ABCD3: variants seen among roughly 807,000 people sequenced by gnomAD.
ABCD3 encodes the protein ATP-binding cassette sub-family D member 3.
ABCD3 carries 41 observed loss-of-function variants against 105.5 expected under a neutral mutation model. The observed-to-expected ratio is 0.39, with a 90% CI of 0.30 to 0.50. The LOEUF (loss-of-function observed/expected upper bound fraction) is 0.50, where lower values mean the gene tolerates loss of function less well. Among genes scored for constraint, ABCD3 ranks in the 20% least tolerant of loss-of-function variants. The pLI is 0.84. For synonymous variants in ABCD3, 258 were observed against 269.0 expected (o/e 0.96, Z 0.40); for missense variants, 622 against 806.3 (o/e 0.77, Z 2.77).
rs4148070 is a variant in ABCD3, at chr1:94,474,724, GT to G, written c.406-407del. Among the ~76,000 whole-genome samples the G allele has an allele frequency of 4.4e-3, 641 of 146,412 alleles. 1 individual carries two copies. The highest frequency in any genetic ancestry group is 0.01 in the African/African-American group (411 of 39,924). On this transcript the variant is annotated intron_variant, in intron 5 of 22. Transcript: ENST00000370214. ...CATTAGTTGGTGTAAAACCTGTAGTGTTTTTTTTTTTTAACAAATGCAAATA... is the reference window on the plus strand; with the variant it reads ...CATTAGTTGGTGTAAAACCTGTAGTGTTTTTTTTTTTAACAAATGCAAATA...
the ABCD3 span, among the ~76,000 whole-genome samples, chr1:94,393,134 G>GAAGA: frequency 9.8e-4 from 139 of 141,986 alleles, no homozygotes; most frequent in African/African-American, 3.2e-3. Flanking sequence ...ATAAAAAGAA[G>GAAGA]AAGAAAGAAA....
intron 7 of ABCD3, 86 bp from the exon 8 acceptor site, chr1:94,478,173 A>G (rs1648853387): frequency 1.2e-6 from 1 of 823,200 alleles, no homozygotes; most frequent in Non-Finnish European, 2.0e-6. Flanking sequence ...TAAATGTTTA[A>G]TGACATTTTA....
At position 94,498,932 on chromosome 1, in the gene ABCD3, C is replaced by A. The variant is rs375816342; in HGVS notation, c.1531-13C>A. The A allele has an allele frequency of 1.2e-6, 2 of 1,612,708 alleles. No individual in the cohort carries two copies. The highest frequency in any genetic ancestry group is 1.1e-5 in the South Asian group (1 of 91,032). ...ATGTTGCTTCTAATTGACTTTTGCTCTACTACTGTCAGAGACCTTACATGA... is the reference window on the plus strand; with the variant it reads ...ATGTTGCTTCTAATTGACTTTTGCTATACTACTGTCAGAGACCTTACATGA... On this transcript the variant is annotated splice_polypyrimidine_tract_variant and intron_variant, in intron 18 of 22. Transcript: ENST00000370214.
chr1:94,468,770 T>C (rs1648288566), intron 4 of ABCD3, among the ~76,000 whole-genome samples: 1 of 152,208 alleles, frequency 6.6e-6, no homozygotes, highest in Admixed American at 6.5e-5. Flanking sequence ...CATTTTGGAA[T>C]AAAGGTTTTT....
At chr1:94,400,361 G>A in the ABCD3 span, among the ~76,000 whole-genome samples, 181 of 150,870 alleles carry the variant, frequency 1.2e-3, no homozygotes, top group African/African-American at 4.2e-3. Context: ...CCGAGATCGC[G>A]CCACTGCACT....
chr1:94,406,562 G>A, the ABCD3 span: 1 of 344,552 alleles, frequency 2.9e-6, no homozygotes, highest in South Asian at 2.6e-5. Context: ...TGCGTTTCAG[G>A]AAGCTATCTC....
chr1:94,474,923 T>C (rs1648661171), intron 5 of ABCD3, among the ~76,000 whole-genome samples: 1 of 152,120 alleles, frequency 6.6e-6, no homozygotes, highest in African/African-American at 2.4e-5. Flanking sequence ...TAATTAGTGA[T>C]ATTAACATAT....
chr1:94,444,675 T>G (rs555622564), intron 1 of ABCD3, among the ~76,000 whole-genome samples: 2 of 152,218 alleles, frequency 1.3e-5, no homozygotes, highest in Admixed American at 1.3e-4. Flanking sequence ...CCCATGACTT[T>G]TCACCACCCC....
chr1:94,418,469 C>G lies in ABCD3; in HGVS notation c.-10C>G. 2 of 1,592,700 alleles carry G rather than the reference C, an allele frequency of 1.3e-6. No homozygotes were observed. Among genetic ancestry groups the G allele is most frequent in the Non-Finnish European group, 1.7e-6 (2 of 1,174,662 alleles). On this transcript the variant is annotated 5_prime_UTR_variant, in exon 1 of 23. Transcript: ENST00000370214. ...CGTCCCCTCGCCGGCTCGCTGGTAC[C>G]GGCAGTGCCATGGCGGCCTTCAGCA...
At chr1:94,401,271 C>G in the ABCD3 span, among the ~76,000 whole-genome samples, 2 of 152,224 alleles carry the variant, frequency 1.3e-5, no homozygotes, top group African/African-American at 4.8e-5. Flanking sequence ...CCTGGTCGAA[C>G]CTGCTAGCAT....
At chr1:94,459,850 G>A (rs1353448251) in intron 2 of ABCD3, among the ~76,000 whole-genome samples, 1 of 152,148 alleles carries the variant, frequency 6.6e-6, no homozygotes, top group Non-Finnish European at 1.5e-5. Context: ...TCAAATAAAT[G>A]AAATCATATA....
rs1024517583 is a variant in ABCD3, at chr1:94,492,697, G to T, written c.1386+1450G>T. The stretch of plus-strand genomic sequence containing the variant: ...GATAAAAAGGACGTGAGACTTCGTT[G>T]AAGAATGCCTCTTGTCCCTTTCTCC... On this transcript the variant is annotated intron_variant, in intron 16 of 22. Transcript: ENST00000370214. Among the ~76,000 whole-genome samples the T allele has an allele frequency of 3.9e-5, 6 of 151,912 alleles. No homozygotes were observed. The South Asian group carries it at 1.3e-3, about 32-fold the overall frequency.
intron 10 of ABCD3, among the ~76,000 whole-genome samples, chr1:94,484,030 C>T (rs187388472): frequency 2.6e-5 from 4 of 152,262 alleles, no homozygotes; most frequent in East Asian, 1.9e-4. Context: ...CCAACAGACA[C>T]GTGAAAAAAT....
In ABCD3 at chr1:94,473,848, C is replaced by T; in HGVS notation, c.405+13C>T. 1 of 1,604,846 alleles carries T rather than the reference C, an allele frequency of 6.2e-7. No individual in the cohort carries two copies. The highest frequency in any genetic ancestry group is 8.5e-7 in the Non-Finnish European group (1 of 1,172,624). Reference sequence around the variant, plus strand: ...TGCCATGCCTCTTGTAAGTTTAATTCATTAAAAATCTTTTTAACACGGGAA... The same window carrying T: ...TGCCATGCCTCTTGTAAGTTTAATTTATTAAAAATCTTTTTAACACGGGAA... On this transcript the variant is annotated intron_variant, in intron 5 of 22. Coordinates refer to ENST00000370214, the MANE Select transcript of ABCD3 (RefSeq NM_002858.4).
chr1:94,441,965 T>C (rs1056155257), intron 1 of ABCD3, among the ~76,000 whole-genome samples: 1 of 152,210 alleles, frequency 6.6e-6, no homozygotes, highest in Non-Finnish European at 1.5e-5. Flanking sequence ...ATTCTATCCA[T>C]GTTAATTTCA....
intron 21 of ABCD3, among the ~76,000 whole-genome samples, chr1:94,509,973 T>C (rs1650579449): frequency 6.6e-6 from 1 of 152,188 alleles, no homozygotes. Flanking sequence ...GAAGGGCTTT[T>C]TATGTCTCTA....
intron 1 of ABCD3, among the ~76,000 whole-genome samples, chr1:94,454,605 A>G (rs899093029): frequency 2.0e-5 from 3 of 152,192 alleles, no homozygotes; most frequent in African/African-American, 4.8e-5. Flanking sequence ...ACCTAGAGAT[A>G]GTAGGTCTAA....
chr1:94,415,903 C>A (rs569337923), upstream of ABCD3, among the ~76,000 whole-genome samples: 1 of 152,076 alleles, frequency 6.6e-6, no homozygotes, highest in Non-Finnish European at 1.5e-5. Context: ...GTATCTTTTG[C>A]TGTAGCAAAT....
intron 3 of ABCD3, among the ~76,000 whole-genome samples, chr1:94,465,375 C>G (rs1648088309): frequency 6.6e-6 from 1 of 152,112 alleles, no homozygotes; most frequent in African/African-American, 2.4e-5. Context: ...CAAATGTTTT[C>G]TCTGTAGGTC....
Sources: gnomAD v4.1 joint callset for allele counts (sites outside exome capture counted in the v4.1 genomes callset) on GRCh38, gnomAD v4.1.1 for gene constraint, MANE v1.5 for transcripts, NCBI Gene and HGNC (gene_info 2026-07-23, HGNC 2026-07-21) for gene names.